Variants in CENPF observed in about 807,000 individuals in gnomAD.
CENPF encodes AH antigen.
In CENPF, 214 loss-of-function variants were observed where a neutral mutation model predicts 307.3. That is an observed-to-expected ratio of 0.70 (90% CI 0.62 to 0.78). The LOEUF is 0.78. Among genes scored for constraint, CENPF ranks in the 30% least tolerant of loss-of-function variants. CENPF has a pLI of 0.00. For missense variants in CENPF, 3,401 were observed against 3,483.9 expected (o/e 0.98, Z 0.60); for synonymous variants, 1,259 against 1,270.6 (o/e 0.99, Z 0.19).
At chr1:214,654,716 T>C (rs1232681440) in intron 16 of CENPF, among the ~76,000 whole-genome samples, 1 of 152,020 alleles carries the variant, frequency 6.6e-6, no homozygotes, top group African/African-American at 2.4e-5. Flanking sequence ...GAGAAGCGTA[T>C]GAGGACACAA....
At position 214,640,347 on chromosome 1, in the gene CENPF, T is replaced by C. The variant is rs751462198; in HGVS notation, c.2009T>C (p.Met670Thr). Residue 670 changes from methionine to threonine, a missense_variant, in exon 12 of 20, where the codon ATG becomes ACG. Transcript: ENST00000366955. ...AACGAGAGAGTAAGAACGCTGGAGATGGACAGAGAAAACCTAAGTGTCGAG... is the reference window on the plus strand; with the variant it reads ...AACGAGAGAGTAAGAACGCTGGAGACGGACAGAGAAAACCTAAGTGTCGAG... ...EYNERVRTLE[M>T]DRENLSVEIR... 1.2e-6 allele frequency: 2 copies of C among 1,613,906 alleles called. No homozygotes were observed. Among genetic ancestry groups the C allele is most frequent in the Non-Finnish European group, 1.7e-6 (2 of 1,180,000 alleles).
At chr1:214,607,624 G>A (rs1285745734) in intron 1 of CENPF, among the ~76,000 whole-genome samples, 1 of 152,194 alleles carries the variant, frequency 6.6e-6, no homozygotes, top group Admixed American at 6.5e-5. Flanking sequence ...GCTGGGCAGG[G>A]CCAGGACGAG....
At chr1:214,603,636 T>C (rs1343775601) in intron 1 of CENPF, 1 of 152,214 alleles carries the variant, frequency 6.6e-6, no homozygotes, top group Non-Finnish European at 1.5e-5. Context: ...GTAAAAGAAT[T>C]GGAGATGACT....
At chr1:214,655,438 A>C in intron 17 of CENPF, 35 bp downstream of exon 17, 1 of 1,524,004 alleles carries the variant, frequency 6.6e-7, no homozygotes. Context: ...ACTAGCCAGA[A>C]CTCTTTTCCA....
At position 214,645,019 on chromosome 1, in the gene CENPF, C is replaced by A. The variant is rs1417785890; in HGVS notation, c.5449C>A (p.Gln1817Lys). ...CTCAAAACTCCATTTACAGGAGGTA[C>A]AACTAATGACCAAAATTGAAGCATG... ...LDSKLHLQEV[Q>K]LMTKIEACIE... is the part of the protein sequence containing the mutation. The change falls in exon 13 of 20, where the codon CAA becomes AAA. Residue 1817 changes from glutamine (Q) to lysine (K), a missense_variant. By Grantham distance (53) the Gln-to-Lys change is moderately conservative (BLOSUM62 1). Coordinates refer to ENST00000366955, the MANE Select transcript of CENPF (RefSeq NM_016343.4). 1 of 1,613,542 alleles carries A rather than the reference C, an allele frequency of 6.2e-7. No homozygotes were observed. Among genetic ancestry groups the A allele is most frequent in the African/African-American group, 1.3e-5 (1 of 74,842 alleles).
Position 214,608,843 on chromosome 1 carries a change from C to A in CENPF, c.-41-4871C>A, listed in dbSNP as rs1184662818. 3 of 1,562,268 alleles carry A rather than the reference C, an allele frequency of 1.9e-6. No homozygotes were observed. In the Admixed American group the frequency reaches 5.4e-5, roughly 28 times the overall value. On this transcript the variant is annotated intron_variant, in intron 1 of 19. Coordinates refer to ENST00000366955, the MANE Select transcript of CENPF (RefSeq NM_016343.4). ...TCACTCAGCGACAGCCCGTTCATGG[C>A]GGGCGCCGCCCGGGCCAGGCCCCCA...
intron 17 of CENPF, among the ~76,000 whole-genome samples, chr1:214,656,247 G>C (rs1571728506): frequency 6.6e-6 from 1 of 152,196 alleles, no homozygotes; most frequent in East Asian, 1.9e-4. Flanking sequence ...GTGGATAGAT[G>C]ATGACAAGCA....
At chr1:214,629,703 C>T (rs1657752223) in intron 8 of CENPF, among the ~76,000 whole-genome samples, 3 of 152,120 alleles carry the variant, frequency 2.0e-5, no homozygotes, top group Admixed American at 2.0e-4. Flanking sequence ...AGGCATGCAC[C>T]ACCACACCTG....
In CENPF at chr1:214,640,659, T is replaced by A; in HGVS notation, c.2321T>A (p.Leu774Gln). The A allele has an allele frequency of 6.2e-7, 1 of 1,614,118 alleles. No homozygotes were observed. Among genetic ancestry groups the A allele is most frequent in the Non-Finnish European group, 8.5e-7 (1 of 1,179,998 alleles). The change falls in exon 12 of 20, where the codon CTG (leucine) becomes CAG (glutamine). Residue 774 changes from leucine (L) to glutamine (Q), a missense_variant. Coordinates refer to ENST00000366955, the MANE Select transcript of CENPF (RefSeq NM_016343.4). ...CTGCTAAAATCCAAAGATGCTTCTC[T>A]GGTGACAAATGAAGATCATCAGAGA... ...RDLLKSKDAS[L>Q]VTNEDHQRSL... is the part of the protein sequence containing the mutation.
At chr1:214,618,800 T>C in intron 4 of CENPF, 106 bp downstream of exon 4, 1 of 1,188,230 alleles carries the variant, frequency 8.4e-7, no homozygotes, top group Non-Finnish European at 1.2e-6. Context: ...TTTTAATGTA[T>C]ATGTTTAAAA....
intron 3 of CENPF, among the ~76,000 whole-genome samples, chr1:214,616,980 C>T (rs1166720353): frequency 7.4e-6 from 1 of 134,442 alleles, no homozygotes; most frequent in African/African-American, 2.8e-5. Flanking sequence ...CTCCCTCCCT[C>T]CCTCCCTCTC....
Position 214,646,631 on chromosome 1 carries a change from A to G in CENPF, c.7061A>G (p.His2354Arg), listed in dbSNP as rs1415337034. 7 of 1,613,576 alleles carry G rather than the reference A, an allele frequency of 4.3e-6. No individual in the cohort carries two copies. Among genetic ancestry groups the G allele is most frequent in the African/African-American group, 1.3e-5 (1 of 74,924 alleles). ...ELEIARTNQE[H>R]AALEAENSKG... ...GAGATAGCCAGGACAAACCAAGAGC[A>G]TGCAGCTCTTGAGGCAGAGAATTCC... is the stretch of plus-strand genomic sequence containing the variant. The change falls in exon 13 of 20, where the codon CAT (histidine) becomes CGT (arginine). Residue 2354 changes from histidine to arginine, a missense_variant. By Grantham distance (29) the His-to-Arg change is conservative. Coordinates refer to ENST00000366955, the MANE Select transcript of CENPF (RefSeq NM_016343.4).
At position 214,648,773 on chromosome 1, in the gene CENPF, A is replaced by G; in HGVS notation, c.7929A>G (p.Lys2643=). ...AELQEELSGE[K]NRLAGELQLL... is the part of the protein sequence containing the mutation. ...TGCAAGAAGAACTCAGTGGAGAGAA[A>G]AATAGGCTAGCTGGAGAGTTGCAGT... The change falls in exon 14 of 20, where the codon AAA becomes AAG. Residue 2643 remains lysine, a synonymous_variant. Coordinates refer to ENST00000366955, the MANE Select transcript of CENPF (RefSeq NM_016343.4). 6.2e-7 allele frequency: 1 copy of G among 1,614,092 alleles called. No individual in the cohort carries two copies. Among genetic ancestry groups the G allele is most frequent in the Non-Finnish European group, 8.5e-7 (1 of 1,179,964 alleles).
rs530146536 is a variant in CENPF at position 214,659,576 on chromosome 1, A to C, written c.9141+548A>C. 1.1e-4 allele frequency among the ~76,000 whole-genome samples: 17 copies of C among 152,336 alleles called. No homozygotes were observed. Among genetic ancestry groups the C allele is most frequent in the Admixed American group, 3.9e-4 (6 of 15,302 alleles). ...TCTGTGTACCCTACAACATCCCAGA[A>C]AATGTTATGTAGAGCATAGAGAATA... On this transcript the variant is annotated intron_variant, in intron 19 of 19. Coordinates refer to ENST00000366955, the MANE Select transcript of CENPF (RefSeq NM_016343.4). This position sits in a 1 kb window ranked among gnomAD's most constrained non-coding sequence, Gnocchi z 4.4.
rs760427249 is a variant in CENPF at position 214,642,926 on chromosome 1, A to C, written c.4588A>C (p.Ser1530Arg). Residue 1530 changes from serine (S) to arginine (R), a missense_variant, in exon 12 of 20, where the codon AGT (serine) becomes CGT (arginine). Coordinates refer to ENST00000366955, the MANE Select transcript of CENPF (RefSeq NM_016343.4). ...QCSVDEVFCS[S>R]LQEENLTRKE... ...CAGTGTAGATGAAGTATTTTGCAGC[A>C]GTCTGCAGGAGGAGAATCTGACCAG... The C allele has an allele frequency of 6.2e-7, 1 of 1,613,986 alleles. No individual in the cohort carries two copies. The highest frequency in any genetic ancestry group is 1.7e-5 in the Admixed American group (1 of 60,002).
At position 214,605,824 on chromosome 1, in the gene CENPF, C is replaced by T. The variant is rs183044974; in HGVS notation, c.-42+2503C>T. 1,322 of 1,593,484 alleles carry T rather than the reference C, an allele frequency of 8.3e-4. 12 individuals carry two copies. In the African/African-American group the frequency reaches 0.016, roughly 19 times the overall value. On this transcript the variant is annotated intron_variant, in intron 1 of 19. Coordinates refer to ENST00000366955, the MANE Select transcript of CENPF (RefSeq NM_016343.4). ...AGCGCTCGTAGAGCGCCAGCCCGTGCGAGAAGTCGATCACCTCGTCCTCCG... is the reference window on the plus strand; with the variant it reads ...AGCGCTCGTAGAGCGCCAGCCCGTGTGAGAAGTCGATCACCTCGTCCTCCG...
At chr1:214,652,721 G>A in intron 15 of CENPF, 107 bp from the exon 16 acceptor site, 1 of 937,382 alleles carries the variant, frequency 1.1e-6, no homozygotes, top group Non-Finnish European at 1.6e-6. Context: ...GGGATTACAG[G>A]TGTGAAACAC....
At chr1:214,608,824 A>G in intron 1 of CENPF, 1 of 1,594,898 alleles carries the variant, frequency 6.3e-7, no homozygotes, top group Non-Finnish European at 8.5e-7. Flanking sequence ...GAGCTCACTC[A>G]GCGACAGCCC....
In CENPF at chr1:214,640,134, T is replaced by C; in HGVS notation, c.1796T>C (p.Leu599Pro). The C allele has an allele frequency of 1.9e-6, 3 of 1,585,966 alleles. No homozygotes were observed. Among genetic ancestry groups the C allele is most frequent in the Non-Finnish European group, 2.6e-6 (3 of 1,172,530 alleles). ...ACAGAGAAAGAGTCCAAAGCCTTGC[T>C]GAGTGCTTTAGAGTTAAAAAAGAAA... Reference protein sequence around the residue: ...SKTEKESKALLSALELKKKEY... With the variant: ...SKTEKESKALPSALELKKKEY... The change falls in exon 12 of 20, where the codon CTG (leucine) becomes CCG (proline). Residue 599 changes from leucine (L) to proline (P), a missense_variant. Physicochemically the swap from Leu to Pro is moderately conservative, Grantham distance 98. Coordinates refer to ENST00000366955, the MANE Select transcript of CENPF (RefSeq NM_016343.4).
Sources: gnomAD v4.1 joint callset for allele counts (sites outside exome capture counted in the v4.1 genomes callset) on GRCh38, gnomAD v4.1.1 for gene constraint, Gnocchi (gnomAD v3.1) non-coding constraint, MANE v1.5 for transcripts, NCBI Gene and HGNC (gene_info 2026-07-23, HGNC 2026-07-21) for gene names.